Variants in KIF26B observed in about 807,000 individuals in gnomAD.
KIF26B encodes kinesin-like protein KIF26B.
KIF26B carries 63 observed loss-of-function variants against 151.2 expected under a neutral mutation model. The ratio of observed to expected loss-of-function variants is 0.42; its 90% CI spans 0.34 to 0.51. KIF26B has a LOEUF of 0.51. Among genes scored for constraint, KIF26B ranks in the 20% least tolerant of loss-of-function variants. The probability of loss-of-function intolerance (pLI) is 0.07; values close to 1 mark genes in which losing one functional copy is unlikely to be tolerated. For missense variants in KIF26B, 2,813 were observed against 2,913.6 expected (o/e 0.97, Z 0.79); for synonymous variants, 1,357 against 1,262.1 (o/e 1.08, Z -1.59).
intron 9 of KIF26B, among the ~76,000 whole-genome samples, chr1:245,628,053 C>T (rs927174252): frequency 3.9e-5 from 6 of 152,196 alleles, no homozygotes; most frequent in South Asian, 4.1e-4. Context: ...ACCAGAGGTA[C>T]GACGAGGAGC....
At chr1:245,430,275 G>A (rs1440621623) in intron 4 of KIF26B, among the ~76,000 whole-genome samples, 3 of 151,896 alleles carry the variant, frequency 2.0e-5, no homozygotes, top group South Asian at 2.1e-4. Context: ...TATATGTTGC[G>A]TAAATTTGTT....
At chr1:245,570,449 T>C (rs933372896) in intron 5 of KIF26B, among the ~76,000 whole-genome samples, 2 of 152,214 alleles carry the variant, frequency 1.3e-5, no homozygotes, top group African/African-American at 4.8e-5. Context: ...TGGGGCTTTC[T>C]GGATGATTAT....
At chr1:245,312,322 C>T (rs1034258038) in intron 2 of KIF26B, among the ~76,000 whole-genome samples, 1 of 152,166 alleles carries the variant, frequency 6.6e-6, no homozygotes, top group Admixed American at 6.5e-5. Context: ...GTTTAGCTCT[C>T]TGGGGAAATT....
chr1:245,450,236 T>A (rs1165843940), intron 4 of KIF26B, among the ~76,000 whole-genome samples: 1 of 152,208 alleles, frequency 6.6e-6, no homozygotes, highest in Non-Finnish European at 1.5e-5. Flanking sequence ...CATCTGTAGG[T>A]TGCTCTCTCC....
At chr1:245,690,034 A>T (rs1122734) in intron 12 of KIF26B, among the ~76,000 whole-genome samples, 88,878 of 151,926 alleles carry the variant, frequency 0.59, 28,055 homozygotes, top group Middle Eastern at 0.73. Context: ...TTGGGGTAGG[A>T]GAAATGAAAG....
At chr1:245,460,351 A>T (rs1373506871) in intron 4 of KIF26B, among the ~76,000 whole-genome samples, 1 of 152,050 alleles carries the variant, frequency 6.6e-6, no homozygotes, top group Non-Finnish European at 1.5e-5. Context: ...TTTTCTCTTA[A>T]ATCAGAGATT....
At chr1:245,417,408 A>T (rs1403051271) in intron 3 of KIF26B, among the ~76,000 whole-genome samples, 1 of 152,124 alleles carries the variant, frequency 6.6e-6, no homozygotes, top group African/African-American at 2.4e-5. Context: ...GGCTTGGGCA[A>T]ATTGCTTCTC....
At chr1:245,416,670 T>C (rs557873993) in intron 3 of KIF26B, among the ~76,000 whole-genome samples, 1 of 152,270 alleles carries the variant, frequency 6.6e-6, no homozygotes, top group Admixed American at 6.5e-5. Flanking sequence ...GGCTTGAGCT[T>C]ACATCTGCAG....
chr1:245,333,376 G>A (rs1407218814), intron 2 of KIF26B, among the ~76,000 whole-genome samples: 1 of 152,186 alleles, frequency 6.6e-6, no homozygotes, highest in African/African-American at 2.4e-5. Flanking sequence ...CGCCACTTAG[G>A]TGAGGCACCT....
chr1:245,701,926 A>G (rs2044777727), intron 14 of KIF26B, among the ~76,000 whole-genome samples: 1 of 152,176 alleles, frequency 6.6e-6, no homozygotes, highest in Non-Finnish European at 1.5e-5. Flanking sequence ...AGAGGGGTTG[A>G]TCCCAGATAC....
At chr1:245,224,005 C>T (rs1669824919) in intron 2 of KIF26B, among the ~76,000 whole-genome samples, 1 of 152,176 alleles carries the variant, frequency 6.6e-6, no homozygotes, top group Admixed American at 6.5e-5. Context: ...TGTATGATGG[C>T]CGGGTGCAGT....
At chr1:245,547,654 GC>G (rs1661778196) in intron 5 of KIF26B, among the ~76,000 whole-genome samples, 2 of 150,636 alleles carry the variant, frequency 1.3e-5, no homozygotes, top group Non-Finnish European at 2.9e-5. Flanking sequence ...CTTTAATTCT[GC>G]TGATGAGGGT....
chr1:245,573,839 ACAGG>A (rs1203740269), intron 5 of KIF26B, among the ~76,000 whole-genome samples: 2 of 152,144 alleles, frequency 1.3e-5, no homozygotes, highest in East Asian at 3.9e-4. Context: ...TGAGTGGTTA[ACAGG>A]CAGGCAGTGT....
intron 4 of KIF26B, among the ~76,000 whole-genome samples, chr1:245,459,903 T>A (rs1231977267): frequency 6.6e-6 from 1 of 151,822 alleles, no homozygotes; most frequent in Admixed American, 6.6e-5. Context: ...AAACCTTTTT[T>A]TTTTTTCCCT....
intron 10 of KIF26B, among the ~76,000 whole-genome samples, chr1:245,684,001 C>G (rs900253386): frequency 6.6e-6 from 1 of 152,208 alleles, no homozygotes; most frequent in Non-Finnish European, 1.5e-5. Context: ...AGGACAGAAG[C>G]GCCAAGGGAG....
chr1:245,603,419 C>T (rs1244214002), intron 6 of KIF26B, among the ~76,000 whole-genome samples: 1 of 152,162 alleles, frequency 6.6e-6, no homozygotes, highest in African/African-American at 2.4e-5. Context: ...CATTGCTCAT[C>T]GGTCAGCTGA....
intron 9 of KIF26B, among the ~76,000 whole-genome samples, chr1:245,640,143 C>CTA (rs1166040223): frequency 0.025 from 785 of 31,888 alleles, 131 homozygotes; most frequent in Middle Eastern, 0.095. Context: ...CTCTCTCTCT[C>CTA]TATATATATA....
intron 3 of KIF26B, among the ~76,000 whole-genome samples, chr1:245,383,022 T>C (rs189335247): frequency 0.018 from 2,182 of 119,244 alleles, 45 homozygotes; most frequent in African/African-American, 0.063. Context: ...CACACACACA[T>C]ATATATATAT....
chr1:245,528,580 G>A (rs1661293653), intron 4 of KIF26B, among the ~76,000 whole-genome samples: 1 of 152,168 alleles, frequency 6.6e-6, no homozygotes, highest in Admixed American at 6.5e-5. Flanking sequence ...ATTCATGCAT[G>A]GGCAATGAAG....
Sources: gnomAD v4.1 joint callset for allele counts (sites outside exome capture counted in the v4.1 genomes callset) on GRCh38, gnomAD v4.1.1 for gene constraint, MANE v1.5 for transcripts, NCBI Gene and HGNC (gene_info 2026-07-23, HGNC 2026-07-21) for gene names.